SUPT3H: variants seen among roughly 807,000 people sequenced by gnomAD.
SUPT3H encodes transcription initiation protein SPT3 homolog.
In SUPT3H, 44 loss-of-function variants were observed where a neutral mutation model predicts 44.3. The ratio of observed to expected loss-of-function variants is 0.99; its 90% CI spans 0.78 to 1.28. The LOEUF (loss-of-function observed/expected upper bound fraction) is 1.28, where lower values mean the gene tolerates loss of function less well. Among genes scored for constraint, SUPT3H ranks in the 50% most tolerant of loss-of-function variants. SUPT3H has a pLI of 0.00. For synonymous variants in SUPT3H, 124 were observed against 125.6 expected (o/e 0.99, Z 0.09); for missense variants, 380 against 387.1 (o/e 0.98, Z 0.15).
At chr6:45,241,801 A>T (rs1562774493) in intron 2 of SUPT3H, among the ~76,000 whole-genome samples, 1 of 152,224 alleles carries the variant, frequency 6.6e-6, no homozygotes. Flanking sequence ...AAGAAAGGTA[A>T]CTAGAATAAA....
intron 6 of SUPT3H, among the ~76,000 whole-genome samples, chr6:44,977,222 A>G (rs1778454265): frequency 1.3e-5 from 2 of 152,214 alleles, no homozygotes. Context: ...AAAAGCTTTA[A>G]AGAAGCAAAG....
intron 2 of SUPT3H, among the ~76,000 whole-genome samples, chr6:45,331,131 G>A (rs1200252704): frequency 4.9e-5 from 7 of 142,138 alleles, no homozygotes; most frequent in Admixed American, 7.5e-5. Context: ...GTGTGTGCGC[G>A]CGCGCGCGCA....
intron 2 of SUPT3H, among the ~76,000 whole-genome samples, chr6:45,139,591 A>C (rs1250010476): frequency 6.6e-6 from 1 of 152,166 alleles, no homozygotes; most frequent in Admixed American, 6.5e-5. Flanking sequence ...AGAGGGGGAA[A>C]ACCTGCCTCT....
chr6:45,123,600 C>A (rs1801988593), intron 2 of SUPT3H, among the ~76,000 whole-genome samples: 1 of 151,814 alleles, frequency 6.6e-6, no homozygotes, highest in Non-Finnish European at 1.5e-5. Flanking sequence ...AAAAATAAAA[C>A]AAAGATTATA....
chr6:45,080,773 T>G (rs1055840072), intron 3 of SUPT3H, among the ~76,000 whole-genome samples: 8 of 151,842 alleles, frequency 5.3e-5, no homozygotes, highest in Non-Finnish European at 1.2e-4. Flanking sequence ...TACCAGAGGC[T>G]GAGAAGGGAA....
intron 2 of SUPT3H, among the ~76,000 whole-genome samples, chr6:45,333,002 T>TA (rs1787819388): frequency 6.6e-6 from 1 of 151,660 alleles, no homozygotes; most frequent in Non-Finnish European, 1.5e-5. Context: ...AAAACTCCCA[T>TA]AATAAAGATA....
intron 2 of SUPT3H, among the ~76,000 whole-genome samples, chr6:45,293,670 A>C (rs1045964724): frequency 9.9e-5 from 15 of 152,192 alleles, no homozygotes; most frequent in Non-Finnish European, 1.2e-4. Context: ...AACTGACGCC[A>C]AAGAAATACA....
intron 9 of SUPT3H, among the ~76,000 whole-genome samples, chr6:44,942,207 T>A (rs1447799227): frequency 6.6e-6 from 1 of 152,188 alleles, no homozygotes; most frequent in Non-Finnish European, 1.5e-5. Flanking sequence ...AAGAGGTCTT[T>A]TAGGTAAGAT....
chr6:45,165,799 TAAAC>T (rs1441562892), intron 2 of SUPT3H, among the ~76,000 whole-genome samples: 9 of 149,058 alleles, frequency 6.0e-5, no homozygotes, highest in Non-Finnish European at 1.2e-4. Flanking sequence ...TCTAAACCGA[TAAAC>T]AAAGGGGAAA....
At chr6:45,312,367 T>C (rs1192454994) in intron 2 of SUPT3H, among the ~76,000 whole-genome samples, 1 of 151,720 alleles carries the variant, frequency 6.6e-6, no homozygotes, top group East Asian at 1.9e-4. Context: ...ACAAAAAAAT[T>C]AGCCAGGCAT....
intron 2 of SUPT3H, among the ~76,000 whole-genome samples, chr6:45,250,243 G>A (rs944179095): frequency 1.3e-5 from 2 of 151,704 alleles, no homozygotes; most frequent in Admixed American, 6.6e-5. Context: ...AATAAAGGGA[G>A]TAAAAGAAAA....
intron 2 of SUPT3H, among the ~76,000 whole-genome samples, chr6:45,231,008 A>G (rs911308669): frequency 1.1e-4 from 16 of 152,084 alleles, no homozygotes; most frequent in South Asian, 2.1e-4. Context: ...ATTTACACAC[A>G]GGTTATTATG....
intron 6 of SUPT3H, 60 bp from the exon 7 acceptor site, chr6:44,961,888 C>T: frequency 1.5e-6 from 2 of 1,319,666 alleles, no homozygotes; most frequent in Non-Finnish European, 2.1e-6. Context: ...TATGTTTTCA[C>T]AGCTTAAACT....
intron 11 of SUPT3H, among the ~76,000 whole-genome samples, chr6:44,813,599 G>C (rs1284432196): frequency 7.0e-6 from 1 of 142,018 alleles, no homozygotes; most frequent in Admixed American, 7.0e-5. Context: ...ACAGACAACA[G>C]AAACATTCCC....
intron 2 of SUPT3H, among the ~76,000 whole-genome samples, chr6:45,271,557 G>C (rs1776149235): frequency 6.6e-6 from 1 of 152,210 alleles, no homozygotes; most frequent in South Asian, 2.1e-4. Flanking sequence ...AGATTTCAGA[G>C]GATGCATGGT....
intron 3 of SUPT3H, among the ~76,000 whole-genome samples, chr6:45,092,935 A>G (rs1270394242): frequency 6.6e-6 from 1 of 152,130 alleles, no homozygotes; most frequent in Non-Finnish European, 1.5e-5. Flanking sequence ...CAGAGATGTG[A>G]GAACGACTAG....
chr6:45,344,575 CACA>C (rs2150151153), intron 2 of SUPT3H, among the ~76,000 whole-genome samples: 1 of 152,078 alleles, frequency 6.6e-6, no homozygotes, highest in Non-Finnish European at 1.5e-5. Flanking sequence ...TTACGATATG[CACA>C]ACAAAAACTA....
At chr6:45,244,273 T>C (rs1584465714) in intron 2 of SUPT3H, among the ~76,000 whole-genome samples, 1 of 152,200 alleles carries the variant, frequency 6.6e-6, no homozygotes, top group South Asian at 2.1e-4. Flanking sequence ...ATCTTTTTCC[T>C]ACTAAAGCCT....
At chr6:44,930,518 C>G (rs188801607) in intron 10 of SUPT3H, among the ~76,000 whole-genome samples, 1 of 140,838 alleles carries the variant, frequency 7.1e-6, no homozygotes, top group Non-Finnish European at 1.5e-5. Context: ...GAGCTGAGAT[C>G]GTACCAATGC....
Sources: allele counts gnomAD v4.1 joint callset (sites outside exome capture counted in the v4.1 genomes callset), GRCh38; gene constraint gnomAD v4.1.1; transcripts MANE v1.5; gene names NCBI Gene and HGNC (gene_info 2026-07-23, HGNC 2026-07-21).